The following LPIN3 variants were observed in gnomAD, a reference collection of about 807,000 sequenced individuals.
The protein encoded by LPIN3 is phosphatidate phosphatase LPIN3.
In LPIN3, 82 loss-of-function variants were observed where a neutral mutation model predicts 94.7. The ratio of observed to expected loss-of-function variants is 0.87; its 90% confidence interval spans 0.72 to 1.04. LPIN3 has a LOEUF of 1.04. Among genes scored for constraint, LPIN3 ranks in the 50% least tolerant of loss-of-function variants. The pLI, the probability that LPIN3 is intolerant of heterozygous loss-of-function variation, is 0.00. For missense variants in LPIN3, 996 were observed against 1,090.5 expected (o/e 0.91, Z 1.22); for synonymous variants, 418 against 443.3 (o/e 0.94, Z 0.72).
intron 11 of LPIN3, among the ~76,000 whole-genome samples, chr20:41,353,660 C>A (rs2046105279): frequency 6.6e-6 from 1 of 152,198 alleles, no homozygotes; most frequent in African/African-American, 2.4e-5. Flanking sequence ...AGCCACCTTC[C>A]CCTACTCATG....
rs1201944279 is a variant in LPIN3, at chr20:41,352,873, G to T, written c.1527+6G>T. On this transcript the variant is annotated splice_donor_region_variant and intron_variant, in intron 11 of 19. Coordinates refer to ENST00000373257, the MANE Select transcript of LPIN3 (RefSeq NM_022896.3). ...TCCAGAAAAACTTGCCCAAGGTAAT[G>T]GTTAGAGCACCACTGCCCCTGCTGG... 1 of 1,614,114 alleles carries T rather than the reference G, an allele frequency of 6.2e-7. No individual in the cohort carries two copies. Among genetic ancestry groups the T allele is most frequent in the Non-Finnish European group, 8.5e-7 (1 of 1,179,972 alleles).
intron 9 of LPIN3, 152 bp downstream of exon 9, chr20:41,352,372 G>C: frequency 1.0e-6 from 1 of 972,404 alleles, no homozygotes; most frequent in Non-Finnish European, 1.5e-6. Flanking sequence ...TCCGCCAGCA[G>C]GGGCTGGACC....
At chr20:41,341,784 A>T (rs1043297679) in intron 1 of LPIN3, among the ~76,000 whole-genome samples, 3 of 152,140 alleles carry the variant, frequency 2.0e-5, no homozygotes, top group African/African-American at 7.2e-5. Context: ...GATCGAGACC[A>T]TCCTAACACG....
chr20:41,344,033 G>T (rs1480918643), intron 1 of LPIN3, among the ~76,000 whole-genome samples: 1 of 151,948 alleles, frequency 6.6e-6, no homozygotes, highest in Non-Finnish European at 1.5e-5. Flanking sequence ...CTGCACACCA[G>T]CCTGGGTAAC....
chr20:41,358,083 C>T (rs771868533), intron 17 of LPIN3, 49 bp downstream of exon 17: 12 of 1,572,132 alleles, frequency 7.6e-6, no homozygotes, highest in Admixed American at 5.4e-5. Flanking sequence ...TGGGGAAAGG[C>T]AGGCCCACTG....
rs138650533 is a variant in LPIN3, at chr20:41,346,358, G to A, written c.192+363G>A. ...GATATGATTTTATCGGCCTAATGAT[G>A]CTGGTGGGACAAGTCAATAGCAACT... On this transcript the variant is annotated intron_variant, in intron 2 of 19. Transcript: ENST00000373257. 3.9e-5 allele frequency among the ~76,000 whole-genome samples: 6 copies of A among 152,358 alleles called. No individual in the cohort carries two copies. The East Asian group carries it at 1.2e-3, about 29-fold the overall frequency.
At chr20:41,356,095 C>T in intron 14 of LPIN3, 61 bp downstream of exon 14, 1 of 1,574,604 alleles carries the variant, frequency 6.4e-7, no homozygotes, top group Non-Finnish European at 8.7e-7. Flanking sequence ...GTCTTAGAGT[C>T]CCTCAGGACC....
At position 41,358,561 on chromosome 20, in the gene LPIN3, A is replaced by T; in HGVS notation, c.2411+19A>T. ...AATCCACGTGAGGCTAAACCCTGCCATGTTCCCCATGCCCTACCACGTCCC... is the reference window on the plus strand; with the variant it reads ...AATCCACGTGAGGCTAAACCCTGCCTTGTTCCCCATGCCCTACCACGTCCC... On this transcript the variant is annotated intron_variant, in intron 19 of 19. Transcript: ENST00000373257. The T allele has an allele frequency of 6.2e-7, 1 of 1,613,026 alleles. No individual in the cohort carries two copies.
chr20:41,342,438 G>T (rs2045616172), intron 1 of LPIN3, among the ~76,000 whole-genome samples: 1 of 152,200 alleles, frequency 6.6e-6, no homozygotes, highest in African/African-American at 2.4e-5. Flanking sequence ...GTAGTGACTA[G>T]TCCTAAGGGG....
In LPIN3 at chr20:41,359,155, A is replaced by C; in HGVS notation, c.*289A>C. 1 of 190,088 alleles carries C rather than the reference A, an allele frequency of 5.3e-6. No individual in the cohort carries two copies. The allele number at this position is 190,088 out of a possible 1,614,324, so 11.8% of individuals were successfully genotyped here. On this transcript the variant is annotated 3_prime_UTR_variant, in exon 20 of 20. Transcript: ENST00000373257. ...TTTTTTTTTTTTTTTTTTTCCTGAG[A>C]CAGGGTCTTGTTCTGTTGCCCAGGC...
chr20:41,357,081 C>T lies in LPIN3; in HGVS notation c.1845C>T (p.Phe615=). 1 of 1,614,076 alleles carries T rather than the reference C, an allele frequency of 6.2e-7. No individual in the cohort carries two copies. ...AAGAAGGTGCCAATGATGTGGTCTTCAGCGTGACCACTCAGTACCAGGGCA... is the reference window on the plus strand; with the variant it reads ...AAGAAGGTGCCAATGATGTGGTCTTTAGCGTGACCACTCAGTACCAGGGCA... ...NLQEGANDVV[F]SVTTQYQGTC... Residue 615 remains phenylalanine, a synonymous_variant, in exon 15 of 20, where the codon TTC becomes TTT. Coordinates refer to ENST00000373257, the MANE Select transcript of LPIN3 (RefSeq NM_022896.3).
Position 41,354,741 on chromosome 20 carries a change from G to C in LPIN3, c.1620+4G>C, listed in dbSNP as rs2046149210. 6 of 1,607,936 alleles carry C rather than the reference G, an allele frequency of 3.7e-6. No individual in the cohort carries two copies. The highest frequency in any genetic ancestry group is 5.1e-6 in the Non-Finnish European group (6 of 1,176,254). On this transcript the variant is annotated splice_donor_region_variant and intron_variant, in intron 12 of 19. Coordinates refer to ENST00000373257, the MANE Select transcript of LPIN3 (RefSeq NM_022896.3). ...CAGGGACTTCCTGGCCGAGGAGGTG[G>C]GTGGTCACAGTCGAGGGCCAGGGCC...
Position 41,351,874 on chromosome 20 carries a change from T to C in LPIN3, c.1156T>C (p.Leu386=). The part of the protein sequence containing the change: ...LGPSDIYLDD[L]PSLDSENAAL... Reference sequence around the variant, plus strand: ...CCCCAGTGACATCTACCTGGATGACTTGCCCTCCCTGGACTCTGAGAATGC... The same window carrying C: ...CCCCAGTGACATCTACCTGGATGACCTGCCCTCCCTGGACTCTGAGAATGC... Residue 386 remains leucine, a synonymous_variant, in exon 8 of 20, where the codon TTG becomes CTG. Coordinates refer to ENST00000373257, the MANE Select transcript of LPIN3 (RefSeq NM_022896.3). 1 of 1,614,220 alleles carries C rather than the reference T, an allele frequency of 6.2e-7. No individual in the cohort carries two copies. The highest frequency in any genetic ancestry group is 8.5e-7 in the Non-Finnish European group (1 of 1,180,038).
chr20:41,347,165 A>G (rs1427663941), intron 2 of LPIN3, among the ~76,000 whole-genome samples: 2 of 152,262 alleles, frequency 1.3e-5, no homozygotes, highest in African/African-American at 2.4e-5. Context: ...TATGCAGCCA[A>G]TAACCTGGGG....
At position 41,347,663 on chromosome 20, in the gene LPIN3, T is replaced by TA. The variant is rs763841147; in HGVS notation, c.288+18dup. ...GAGCGATGATGTGAGTCTGCCCTCC[T>TA]AACAGCACCTGCCCCGCCCACCCCT... On this transcript the variant is annotated intron_variant, in intron 3 of 19. Transcript: ENST00000373257. 7 of 1,601,438 alleles carry TA rather than the reference T, an allele frequency of 4.4e-6. No individual in the cohort carries two copies. In the East Asian group the frequency reaches 1.3e-4, roughly 31 times the overall value.
chr20:41,358,581 C>G (rs372898101), intron 19 of LPIN3, 39 bp downstream of exon 19: 1 of 1,608,628 alleles, frequency 6.2e-7, no homozygotes, highest in East Asian at 2.2e-5. Context: ...TGCCCTACCA[C>G]GTCCCCCTGC....
intron 7 of LPIN3, among the ~76,000 whole-genome samples, chr20:41,350,847 ACT>A (rs1358913877): frequency 6.6e-6 from 1 of 152,100 alleles, no homozygotes; most frequent in Non-Finnish European, 1.5e-5. Context: ...AGATGAGCAG[ACT>A]CAGATGGCTC....
intron 1 of LPIN3, among the ~76,000 whole-genome samples, chr20:41,343,716 C>T (rs1329919064): frequency 6.6e-6 from 1 of 152,182 alleles, no homozygotes; most frequent in African/African-American, 2.4e-5. Flanking sequence ...AAAAGCAGTT[C>T]CTTTCAAACA....
rs149754094 is a variant in LPIN3 at position 41,358,898 on chromosome 20, C to A, written c.*32C>A. ...CCTGGCTGGCTCCTCCTCCCTGGCCCGGCCCAGGACTGGCTAGGTGTCCTG... is the reference window on the plus strand; with the variant it reads ...CCTGGCTGGCTCCTCCTCCCTGGCCAGGCCCAGGACTGGCTAGGTGTCCTG... On this transcript the variant is annotated 3_prime_UTR_variant, in exon 20 of 20. Coordinates refer to ENST00000373257, the MANE Select transcript of LPIN3 (RefSeq NM_022896.3). The A allele has an allele frequency of 6.2e-6, 10 of 1,611,458 alleles. No homozygotes were observed. Among genetic ancestry groups the A allele is most frequent in the East Asian group, 4.5e-5 (2 of 44,850 alleles).
Sources: gnomAD v4.1 joint callset for allele counts (sites outside exome capture counted in the v4.1 genomes callset) on GRCh38, gnomAD v4.1.1 for gene constraint, MANE v1.5 for transcripts, NCBI Gene and HGNC (gene_info 2026-07-23, HGNC 2026-07-21) for gene names.